Variants in TBP observed in about 807,000 individuals in gnomAD.
TBP encodes TATA-box-binding protein.
In TBP, 12 loss-of-function variants were observed where a neutral mutation model predicts 46.2. The observed-to-expected ratio is 0.26, with a 90% CI of 0.17 to 0.42. TBP has a LOEUF of 0.42. Among genes scored for constraint, TBP ranks in the 10% least tolerant of loss-of-function variants. TBP has a pLI of 1.00. For synonymous variants in TBP, 157 were observed against 148.3 expected (o/e 1.06, Z -0.42); for missense variants, 229 against 403.1 (o/e 0.57, Z 3.70).
At chr6:170,568,153 T>C (rs1031654506) in intron 5 of TBP, among the ~76,000 whole-genome samples, 1 of 152,174 alleles carries the variant, frequency 6.6e-6, no homozygotes, top group Admixed American at 6.5e-5. Flanking sequence ...GGCCACAACA[T>C]GCAGTAGTAA....
rs1388055144 is a variant in TBP, at chr6:170,562,057, C to G, written c.321C>G (p.Ser107=). 1 of 1,613,848 alleles carries G rather than the reference C, an allele frequency of 6.2e-7. No homozygotes were observed. Among genetic ancestry groups the G allele is most frequent in the East Asian group, 2.2e-5 (1 of 44,852 alleles). Residue 107 remains serine, a synonymous_variant, in exon 3 of 8, where the codon TCC becomes TCG. Coordinates refer to ENST00000392092, the MANE Select transcript of TBP (RefSeq NM_003194.5). ...CTGCAGCCGTTCAGCAGTCAACGTC[C>G]CAGCAGGCAACACAGGGAACCTCAG... The part of the protein sequence containing the change: ...VAAAAVQQST[S]QQATQGTSGQ...
intron 5 of TBP, among the ~76,000 whole-genome samples, chr6:170,568,335 A>G (rs1373943417): frequency 1.3e-5 from 2 of 152,200 alleles, no homozygotes; most frequent in Non-Finnish European, 2.9e-5. Context: ...AAGACAAGAA[A>G]CCACCAATAC....
At chr6:170,556,608 G>A (rs891194751) in intron 1 of TBP, among the ~76,000 whole-genome samples, 1 of 152,210 alleles carries the variant, frequency 6.6e-6, no homozygotes, top group Non-Finnish European at 1.5e-5. Context: ...TTCCTCAAAA[G>A]TTTTTAATGC....
In TBP at chr6:170,562,022, G is replaced by A. The variant is rs1043227165; in HGVS notation, c.286G>A (p.Ala96Thr). 11 of 1,610,198 alleles carry A rather than the reference G, an allele frequency of 6.8e-6. No homozygotes were observed. The African/African-American group carries it at 1.1e-4, about 16-fold the overall frequency. Residue 96 changes from alanine to threonine, a missense_variant, in exon 3 of 8, where the codon GCA becomes ACA. By Grantham distance (58) the Ala-to-Thr change is moderately conservative. This residue lies in a region of TBP where 69 missense variants were observed against 66.2 expected (regional missense o/e 1.04). Coordinates refer to ENST00000392092, the MANE Select transcript of TBP (RefSeq NM_003194.5). ...GCAGCAGCAGCAGCAGCAGCAACAG[G>A]CAGTGGCAGCTGCAGCCGTTCAGCA... ...QQQQQQQQQQ[A>T]VAAAAVQQST...
At chr6:170,555,272 C>T (rs575557038) in intron 1 of TBP, among the ~76,000 whole-genome samples, 1 of 152,342 alleles carries the variant, frequency 6.6e-6, no homozygotes, top group East Asian at 1.9e-4. Flanking sequence ...CCGTCATTAT[C>T]TCTTGCCTCA....
intron 6 of TBP, among the ~76,000 whole-genome samples, 178 bp from the exon 7 acceptor site, chr6:170,571,229 GACT>G (rs1278230484): frequency 6.6e-6 from 1 of 152,186 alleles, no homozygotes; most frequent in Non-Finnish European, 1.5e-5. Flanking sequence ...ATCAACTGAC[GACT>G]ACAAGTCGGC....
chr6:170,559,567 G>A (rs925146791), intron 2 of TBP, among the ~76,000 whole-genome samples: 5 of 152,182 alleles, frequency 3.3e-5, no homozygotes, highest in Admixed American at 2.6e-4. Flanking sequence ...GGCTGAGAGC[G>A]GAGAGGAAGC....
chr6:170,564,211 G>C (rs943647152), intron 3 of TBP, among the ~76,000 whole-genome samples: 1 of 152,146 alleles, frequency 6.6e-6, no homozygotes, highest in Non-Finnish European at 1.5e-5. Context: ...AAGGCTAAGG[G>C]CAGGCTCTGG....
chr6:170,557,661 G>A (rs868040479), intron 2 of TBP, among the ~76,000 whole-genome samples: 1 of 148,186 alleles, frequency 6.7e-6, no homozygotes, highest in African/African-American at 2.5e-5. Flanking sequence ...GCTTGAACCC[G>A]GGAGGTGGAG....
rs1379121744 is a variant in TBP at position 170,572,205 on chromosome 6, A to C, written c.960A>C (p.Glu320Asp). Residue 320 changes from glutamate to aspartate, a missense_variant, in exon 8 of 8, where the codon GAA (glutamate) becomes GAC (aspartate). Around this residue, in one of 4 missense-constraint regions of TBP, gnomAD observed 44 missense variants for 54.1 expected, o/e 0.81. Coordinates refer to ENST00000392092, the MANE Select transcript of TBP (RefSeq NM_003194.5). ...TCTTAGGTGCTAAAGTCAGAGCAGAAATTTATGAAGCATTTGAAAACATCT... is the reference window on the plus strand; with the variant it reads ...TCTTAGGTGCTAAAGTCAGAGCAGACATTTATGAAGCATTTGAAAACATCT... The part of the protein sequence containing the change: ...VVLTGAKVRA[E>D]IYEAFENIYP... 6.2e-7 allele frequency: 1 copy of C among 1,613,932 alleles called. No homozygotes were observed. Among genetic ancestry groups the C allele is most frequent in the Non-Finnish European group, 8.5e-7 (1 of 1,179,996 alleles).
intron 1 of TBP, among the ~76,000 whole-genome samples, chr6:170,556,197 C>T (rs779726795): frequency 6.6e-6 from 1 of 152,116 alleles, no homozygotes; most frequent in Non-Finnish European, 1.5e-5. Context: ...TTTGAGACCT[C>T]TAAGTTCTAT....
rs566594141 is a variant in TBP at position 170,563,979 on chromosome 6, C to T, written c.498-566C>T. On this transcript the variant is annotated intron_variant, in intron 3 of 7. Coordinates refer to ENST00000392092, the MANE Select transcript of TBP (RefSeq NM_003194.5). ...GAAAAGGGTCAGTGGACCCAGATGG[C>T]TCCATTTATCCTTATTTACTGAGAG... Among the ~76,000 whole-genome samples, 23 of 151,844 alleles carry T rather than the reference C, an allele frequency of 1.5e-4. 1 individual carries two copies. The South Asian group carries it at 4.8e-3, about 32-fold the overall frequency.
chr6:170,566,827 C>A, intron 4 of TBP, 91 bp from the exon 5 acceptor site: 3 of 976,202 alleles, frequency 3.1e-6, no homozygotes, highest in Non-Finnish European at 4.8e-6. Flanking sequence ...TCCTTCCTAC[C>A]AGTTGTGATT....
At chr6:170,557,191 AAT>A (rs1779045227) in intron 2 of TBP, 108 bp downstream of exon 2, 1 of 1,096,162 alleles carries the variant, frequency 9.1e-7, no homozygotes, top group South Asian at 1.4e-5. Context: ...AAAATGGTTT[AAT>A]ATGTTTTTTA....
chr6:170,564,645 TTAATG>T lies in TBP; in HGVS notation c.585+16_585+20del, dbSNP rs1488517432. 1 of 1,574,054 alleles carries T rather than the reference TTAATG, an allele frequency of 6.4e-7. No individual in the cohort carries two copies. Among genetic ancestry groups the T allele is most frequent in the East Asian group, 2.3e-5 (1 of 44,416 alleles). ...ATATAATCCCAAGGTTAGATCTATT[TTAATG>T]TATTTCTTTTTTTTTTCTTTTTTGT... On this transcript the variant is annotated intron_variant, in intron 4 of 7. Coordinates refer to ENST00000392092, the MANE Select transcript of TBP (RefSeq NM_003194.5).
rs372970346 is a variant in TBP, at chr6:170,572,261, C to T, written c.1016C>T (p.Thr339Met). 6.2e-6 allele frequency: 10 copies of T among 1,611,944 alleles called. No homozygotes were observed. Among genetic ancestry groups the T allele is most frequent in the South Asian group, 1.1e-5 (1 of 91,008 alleles). The change falls in exon 8 of 8, where the codon ACG (threonine) becomes ATG (methionine). Residue 339 changes from threonine to methionine, a missense_variant. This residue lies in a region of TBP where 44 missense variants were observed against 54.1 expected (regional missense o/e 0.81). Coordinates refer to ENST00000392092, the MANE Select transcript of TBP (RefSeq NM_003194.5). ...YPILKGFRKT[T>M] ...ATTCTAAAGGGATTCAGGAAGACGA[C>T]GTAATGGCTCTCATGTACCCTTGCC... is the stretch of plus-strand genomic sequence containing the variant.
chr6:170,568,765 T>TGCC (rs60225324), intron 5 of TBP, among the ~76,000 whole-genome samples: 24 of 149,056 alleles, frequency 1.6e-4, no homozygotes, highest in South Asian at 6.4e-4. Flanking sequence ...CCTGCCTGCC[T>TGCC]TTTTCTCTTT....
chr6:170,557,144 CA>C (rs1779044609), intron 2 of TBP, 61 bp downstream of exon 2: 6 of 1,479,350 alleles, frequency 4.1e-6, no homozygotes, highest in Middle Eastern at 1.7e-4. Flanking sequence ...GAGATGGTAT[CA>C]AAAGGCAAGG....
At chr6:170,557,788 C>G (rs1329845727) in intron 2 of TBP, among the ~76,000 whole-genome samples, 1 of 116,426 alleles carries the variant, frequency 8.6e-6, no homozygotes, top group Non-Finnish European at 1.9e-5. Flanking sequence ...AATATACATA[C>G]AAAAAAACTC....
Sources: allele counts gnomAD v4.1 joint callset (sites outside exome capture counted in the v4.1 genomes callset), GRCh38; gene constraint gnomAD v4.1.1; regional missense constraint gnomAD v4.1.1; transcripts MANE v1.5; gene names NCBI Gene and HGNC (gene_info 2026-07-23, HGNC 2026-07-21).